The following DOCK1 variants were observed in gnomAD, a reference collection of about 807,000 sequenced individuals.
DOCK1 encodes the protein dedicator of cytokinesis protein 1.
Under a neutral mutation model 262.7 loss-of-function variants are expected in DOCK1, and 138 were observed. The ratio of observed to expected loss-of-function variants is 0.53; its 90% CI spans 0.46 to 0.61. The LOEUF is 0.61. DOCK1 is among the 20% of genes least tolerant of loss of function. The probability of loss-of-function intolerance (pLI) is 0.00; values close to 1 mark genes in which losing one functional copy is unlikely to be tolerated. For missense variants in DOCK1, 1,908 were observed against 2,370.7 expected, an observed-to-expected ratio of 0.80 and a Z score of 4.05; for synonymous variants, 866 against 867.4, an observed-to-expected ratio of 1.00 and a Z score of 0.03.
At chr10:127,260,233 C>A (rs771288451) in intron 29 of DOCK1, among the ~76,000 whole-genome samples, 4 of 152,158 alleles carry the variant, frequency 2.6e-5, no homozygotes, top group Non-Finnish European at 4.4e-5. Flanking sequence ...TCTTAGAAAC[C>A]GGGAAGAGAG....
At chr10:127,336,571 A>G (rs548835547) in intron 29 of DOCK1, among the ~76,000 whole-genome samples, 3 of 146,352 alleles carry the variant, frequency 2.0e-5, no homozygotes, top group East Asian at 2.0e-4. Flanking sequence ...GACAAGTCTC[A>G]CTCTGTCACC....
At position 127,250,777 on chromosome 10, in the gene DOCK1, G is replaced by A. The variant is rs1461059978; in HGVS notation, c.2949+2668G>A. 3.1e-5 allele frequency among the ~76,000 whole-genome samples: 3 copies of A among 98,322 alleles called. No homozygotes were observed. In the Admixed American group the frequency reaches 5.3e-4, roughly 17 times the overall value. The allele number at this position is 98,322 out of a possible 152,430, so 64.5% of individuals were successfully genotyped here. Reference sequence around the variant, plus strand: ...ACTGCATTCTAGCTTGGGCGACACAGTGAGACTCCGTCTCAAAAAAAAAAA... The same window carrying A: ...ACTGCATTCTAGCTTGGGCGACACAATGAGACTCCGTCTCAAAAAAAAAAA... On this transcript the variant is annotated intron_variant, in intron 28 of 51. Coordinates refer to ENST00000623213, the MANE Select transcript of DOCK1 (RefSeq NM_001290223.2).
chr10:127,048,127 A>G (rs1330796490), intron 21 of DOCK1, among the ~76,000 whole-genome samples: 1 of 152,188 alleles, frequency 6.6e-6, no homozygotes, highest in Non-Finnish European at 1.5e-5. Context: ...TTGCATTCCC[A>G]CCAGCAATCT....
At chr10:127,384,958 A>C (rs776865603) in intron 38 of DOCK1, 49 bp downstream of exon 38, 12 of 1,506,590 alleles carry the variant, frequency 8.0e-6, no homozygotes, top group South Asian at 1.4e-5. Flanking sequence ...CCATGCACCT[A>C]CCTGCAGTGT....
At chr10:127,047,742 A>G (rs2044444625) in intron 21 of DOCK1, among the ~76,000 whole-genome samples, 1 of 152,268 alleles carries the variant, frequency 6.6e-6, no homozygotes, top group Middle Eastern at 3.4e-3. Context: ...CTTAAACTTT[A>G]CACCAGTGGG....
chr10:127,379,174 C>T (rs1242250647), intron 35 of DOCK1, among the ~76,000 whole-genome samples: 1 of 152,146 alleles, frequency 6.6e-6, no homozygotes, highest in Non-Finnish European at 1.5e-5. Context: ...ACTTCTGTGC[C>T]TCTCTGGTGG....
At chr10:127,179,975 G>A (rs538166911) in intron 27 of DOCK1, among the ~76,000 whole-genome samples, 20 of 152,284 alleles carry the variant, frequency 1.3e-4, no homozygotes, top group South Asian at 2.1e-4. Flanking sequence ...TTGAGAAACC[G>A]AGGCACACGA....
rs117978999 is a variant in DOCK1 at position 127,077,783 on chromosome 10, A to G, written c.2445+16007A>G. Among the ~76,000 whole-genome samples, 180 of 152,220 alleles carry G rather than the reference A, an allele frequency of 1.2e-3. 3 individuals are homozygous for G. In the East Asian group the frequency reaches 0.031, roughly 26 times the overall value. ...ACGAGAGATTGCAGGCAAGACAAGG[A>G]CCTAAAGAAAGTGGCAAGTGCACTG... On this transcript the variant is annotated intron_variant, in intron 23 of 51. Transcript: ENST00000623213.
At chr10:127,261,844 G>A (rs111068431) in intron 29 of DOCK1, among the ~76,000 whole-genome samples, 2,647 of 135,692 alleles carry the variant, frequency 0.02, 145 homozygotes, top group African/African-American at 0.074. Context: ...GTGGGTGTGC[G>A]TGTGTGTACC....
At chr10:127,288,738 A>G (rs529376410) in intron 29 of DOCK1, among the ~76,000 whole-genome samples, 1 of 150,138 alleles carries the variant, frequency 6.7e-6, no homozygotes, top group East Asian at 2.0e-4. Context: ...AGCATAATAT[A>G]GAATACATAG....
chr10:127,095,849 T>A (rs2047876898), intron 23 of DOCK1, among the ~76,000 whole-genome samples: 1 of 152,178 alleles, frequency 6.6e-6, no homozygotes, highest in Admixed American at 6.5e-5. Context: ...GAACTTGAAC[T>A]GGATTCACTG....
At chr10:127,137,904 G>C in intron 27 of DOCK1, 1 of 1,614,134 alleles carries the variant, frequency 6.2e-7, no homozygotes, top group Non-Finnish European at 8.5e-7. Context: ...CTTGGGAGTT[G>C]AGGAGTAAGT....
chr10:127,012,265 G>A lies in DOCK1; in HGVS notation c.1092G>A (p.Pro364=), dbSNP rs755894167. The change falls in exon 12 of 52, where the codon CCG becomes CCA. Residue 364 remains proline, a synonymous_variant. Coordinates refer to ENST00000623213, the MANE Select transcript of DOCK1 (RefSeq NM_001290223.2). The surrounding 1 kb of genome is among the most constrained non-coding windows in gnomAD (Gnocchi z 4.0). ...TGGACGACGCCATTCGACACAAGCC[G>A]CTGAACATGTCATCCCGTTTTTCAC... is the stretch of plus-strand genomic sequence containing the variant. ...LALDDAIRHK[P]LNMSSRFSPR... 6.2e-6 allele frequency: 10 copies of A among 1,612,436 alleles called. No homozygotes were observed. The highest frequency in any genetic ancestry group is 3.3e-5 in the Admixed American group (2 of 60,022).
chr10:126,941,992 G>T (rs1045632679), intron 1 of DOCK1, among the ~76,000 whole-genome samples: 1 of 152,012 alleles, frequency 6.6e-6, no homozygotes, highest in Admixed American at 6.6e-5. Flanking sequence ...AGCCAAGAGG[G>T]TGTCGGATGT....
At chr10:126,972,580 TGA>T (rs2038197990) in intron 2 of DOCK1, among the ~76,000 whole-genome samples, 1 of 151,718 alleles carries the variant, frequency 6.6e-6, no homozygotes, top group African/African-American at 2.4e-5. Flanking sequence ...AGGTTGGGGG[TGA>T]GAGGGGAAAT....
At chr10:126,946,926 C>T (rs2035457301) in intron 1 of DOCK1, among the ~76,000 whole-genome samples, 1 of 152,214 alleles carries the variant, frequency 6.6e-6, no homozygotes, top group African/African-American at 2.4e-5. Flanking sequence ...AGCGGACAGG[C>T]TCACTTCTTG....
chr10:127,093,219 T>TTTCTTTGTTTC (rs149382008), intron 23 of DOCK1, among the ~76,000 whole-genome samples: 32 of 62,924 alleles, frequency 5.1e-4, no homozygotes, highest in Admixed American at 2.4e-3. Flanking sequence ...TCTTTCTTTC[T>TTTCTTTGTTTC]TTTCTTTCTT....
intron 11 of DOCK1, among the ~76,000 whole-genome samples, chr10:127,011,598 CT>C (rs1304209919): frequency 7.9e-5 from 12 of 152,218 alleles, no homozygotes; most frequent in African/African-American, 2.9e-4. Flanking sequence ...CTGTCACAGG[CT>C]CCTGGTTCAT....
rs146765467 is a variant in DOCK1, at chr10:127,268,950, G to A, written c.3044+11521G>A. 8.4e-3 allele frequency among the ~76,000 whole-genome samples: 1,279 copies of A among 152,196 alleles called. 15 individuals are homozygous for A. The highest frequency in any genetic ancestry group is 0.011 in the Non-Finnish European group (726 of 68,022). ...CCAGCCTCTACACCCCAATTCTGCC[G>A]AGCCTGGGGTGAAAGAGTAGCCACA... On this transcript the variant is annotated intron_variant, in intron 29 of 51. Coordinates refer to ENST00000623213, the MANE Select transcript of DOCK1 (RefSeq NM_001290223.2).
Sources: gnomAD v4.1 joint callset for allele counts (sites outside exome capture counted in the v4.1 genomes callset) on GRCh38, gnomAD v4.1.1 for gene constraint, Gnocchi (gnomAD v3.1) non-coding constraint, MANE v1.5 for transcripts, NCBI Gene and HGNC (gene_info 2026-07-23, HGNC 2026-07-21) for gene names.